Variants in AK9 observed in about 807,000 individuals in gnomAD.
AK9 encodes the protein adenylate kinase 9, also known as adenylate kinase domain containing 1.
A neutral mutation model predicts 239.6 loss-of-function variants in AK9; 191 were observed. That is an observed-to-expected ratio of 0.80 (90% CI 0.71 to 0.90). AK9 has a LOEUF of 0.90. Ranked by LOEUF, AK9 falls within the 40% of genes least tolerant of loss-of-function variation. The pLI is 0.00. For missense variants in AK9, 1,995 were observed against 2,214.7 expected (o/e 0.90, Z 1.99); for synonymous variants, 689 against 721.0 (o/e 0.96, Z 0.71).
At chr6:109,524,548 G>A (rs1272092567) in intron 29 of AK9, among the ~76,000 whole-genome samples, 1 of 152,128 alleles carries the variant, frequency 6.6e-6, no homozygotes, top group Non-Finnish European at 1.5e-5. Context: ...AAGATACAGA[G>A]AAAAGAAAGA....
chr6:109,663,931 T>C (rs987775195), intron 5 of AK9, among the ~76,000 whole-genome samples: 3 of 152,216 alleles, frequency 2.0e-5, no homozygotes, highest in African/African-American at 7.2e-5. Context: ...TATGTGAAAC[T>C]ACATTTTCTT....
chr6:109,622,221 T>C (rs1426706161), intron 12 of AK9, among the ~76,000 whole-genome samples: 1 of 144,956 alleles, frequency 6.9e-6, no homozygotes. Context: ...TTAGACATTA[T>C]ATATAATATA....
intron 8 of AK9, among the ~76,000 whole-genome samples, chr6:109,648,677 T>C (rs1423830447): frequency 1.3e-5 from 2 of 152,226 alleles, no homozygotes; most frequent in East Asian, 1.9e-4. Context: ...GAGGAGCTGG[T>C]ACCATTCCTT....
At chr6:109,529,289 A>C (rs1213728626) in intron 28 of AK9, among the ~76,000 whole-genome samples, 1 of 152,186 alleles carries the variant, frequency 6.6e-6, no homozygotes, top group African/African-American at 2.4e-5. Context: ...AGGGATAAAC[A>C]GCACTTGGGG....
At chr6:109,509,112 T>A in intron 33 of AK9, 67 bp downstream of exon 33, 1 of 1,441,614 alleles carries the variant, frequency 6.9e-7, no homozygotes. Context: ...GTGTTTTAAA[T>A]CACGAGCGAG....
At chr6:109,526,926 T>C (rs1162373133) in intron 29 of AK9, among the ~76,000 whole-genome samples, 1 of 152,182 alleles carries the variant, frequency 6.6e-6, no homozygotes, top group Admixed American at 6.5e-5. Context: ...CAGACCCTTG[T>C]TTCAACCTCA....
chr6:109,573,570 T>A lies in AK9; in HGVS notation c.2216A>T (p.Asp739Val), dbSNP rs12175588. The change falls in exon 21 of 41, where the codon GAT (aspartate) becomes GTT (valine). Residue 739 changes from aspartate (D) to valine (V), a missense_variant. Asp to Val is a radical substitution (Grantham distance 152). Around this residue, in one of 5 missense-constraint regions of AK9, gnomAD observed 1,290 missense variants for 1,392.7 expected, o/e 0.93. Coordinates refer to ENST00000424296, the MANE Select transcript of AK9 (RefSeq NM_001145128.3). ...AKEAEETDNE[D>V]EEEIEGDELE... ...CTCATCACCTTCAATCTCCTCTTCA[T>A]CCTCATTATCAGTCTCTTCAGCTTC... 358,732 of 1,549,572 alleles carry A rather than the reference T, an allele frequency of 0.23. 42,804 individuals are homozygous for A. The highest frequency in any genetic ancestry group is 0.31 in the South Asian group (26,349 of 83,734).
chr6:109,611,351 G>T (rs1209477931), intron 16 of AK9, among the ~76,000 whole-genome samples: 1 of 152,192 alleles, frequency 6.6e-6, no homozygotes, highest in Non-Finnish European at 1.5e-5. Context: ...GCCCATGGGA[G>T]CGGGTGCATA....
chr6:109,640,703 C>T (rs1797313953), intron 10 of AK9, among the ~76,000 whole-genome samples: 3 of 151,868 alleles, frequency 2.0e-5, no homozygotes, highest in Admixed American at 2.0e-4. Context: ...GTGCCCAGTC[C>T]TGGTATGCGT....
chr6:109,501,717 C>T (rs1582733426), intron 35 of AK9, among the ~76,000 whole-genome samples: 1 of 152,152 alleles, frequency 6.6e-6, no homozygotes, highest in East Asian at 1.9e-4. Flanking sequence ...TCAGAGTCAG[C>T]AGAGGTCAAT....
At chr6:109,573,718 T>A (rs1787713828) in intron 20 of AK9, 124 bp from the exon 21 acceptor site, 1 of 874,920 alleles carries the variant, frequency 1.1e-6, no homozygotes, top group South Asian at 2.1e-5. Context: ...GAGTATGTAG[T>A]TTAATGGGGG....
At chr6:109,526,937 T>A (rs968417411) in intron 29 of AK9, among the ~76,000 whole-genome samples, 2 of 152,184 alleles carry the variant, frequency 1.3e-5, no homozygotes, top group Non-Finnish European at 2.9e-5. Flanking sequence ...TTCAACCTCA[T>A]GTGGACCCTG....
At chr6:109,533,573 T>A in intron 27 of AK9, 103 bp from the exon 28 acceptor site, 1 of 851,506 alleles carries the variant, frequency 1.2e-6, no homozygotes, top group Non-Finnish European at 1.7e-6. Flanking sequence ...TATTAAGTCA[T>A]CATTACACCT....
At chr6:109,598,694 T>C (rs1562472412) in intron 17 of AK9, among the ~76,000 whole-genome samples, 1 of 152,204 alleles carries the variant, frequency 6.6e-6, no homozygotes, top group Non-Finnish European at 1.5e-5. Flanking sequence ...CCACCAACAG[T>C]GTAAAAGCAT....
chr6:109,553,517 T>G (rs1441100739), intron 24 of AK9, among the ~76,000 whole-genome samples: 1 of 152,200 alleles, frequency 6.6e-6, no homozygotes, highest in Non-Finnish European at 1.5e-5. Context: ...ATTGTTGGTG[T>G]AAAGGAATGC....
intron 32 of AK9, among the ~76,000 whole-genome samples, chr6:109,512,565 G>A (rs1006969045): frequency 1.3e-5 from 2 of 152,120 alleles, no homozygotes; most frequent in South Asian, 2.1e-4. Context: ...ACTTTATAAA[G>A]CCAAAATAAA....
At chr6:109,673,493 T>C (rs1354088872) in intron 3 of AK9, among the ~76,000 whole-genome samples, 7 of 152,058 alleles carry the variant, frequency 4.6e-5, no homozygotes, top group African/African-American at 1.4e-4. Context: ...CTTATTTTTC[T>C]ATTAGGGCAT....
At chr6:109,586,294 T>A (rs1364083790) in intron 17 of AK9, among the ~76,000 whole-genome samples, 1 of 152,148 alleles carries the variant, frequency 6.6e-6, no homozygotes, top group East Asian at 1.9e-4. Context: ...TGCATGCCTG[T>A]AGTATCAGCT....
chr6:109,586,032 T>C lies in AK9; in HGVS notation c.1883A>G (p.Lys628Arg). 6.4e-7 allele frequency: 1 copy of C among 1,551,328 alleles called. No individual in the cohort carries two copies. The highest frequency in any genetic ancestry group is 2.4e-5 in the East Asian group (1 of 40,888). ...GTTGTCCACAATCCAGCCTCCATAT[T>C]TTGGGGCACCAGGAAACCTATCCTT... ...ENKDRFPGAPKYGGWIVDNCP... is the reference protein window; with the variant it reads ...ENKDRFPGAPRYGGWIVDNCP... Residue 628 changes from lysine to arginine, a missense_variant, in exon 18 of 41, where the codon AAA (lysine) becomes AGA (arginine). Physicochemically the swap from Lys to Arg is conservative, Grantham distance 26. Transcript: ENST00000424296.
Sources: allele counts gnomAD v4.1 joint callset (sites outside exome capture counted in the v4.1 genomes callset), GRCh38; gene constraint gnomAD v4.1.1; regional missense constraint gnomAD v4.1.1; transcripts MANE v1.5; gene names NCBI Gene and HGNC (gene_info 2026-07-23, HGNC 2026-07-21).